BTBD9: variants seen among roughly 807,000 people sequenced by gnomAD.
BTBD9 encodes BTB domain containing 9.
BTBD9 carries 49 observed loss-of-function variants against 64.3 expected under a neutral mutation model. The observed-to-expected ratio is 0.76, with a 90% CI of 0.61 to 0.97. The LOEUF (loss-of-function observed/expected upper bound fraction) is 0.97, where lower values mean the gene tolerates loss of function less well. BTBD9 is among the 50% of genes least tolerant of loss of function. BTBD9 has a pLI of 0.00. For synonymous variants in BTBD9, 260 were observed against 274.7 expected (o/e 0.95, Z 0.53); for missense variants, 598 against 762.1 (o/e 0.78, Z 2.53).
intron 9 of BTBD9, among the ~76,000 whole-genome samples, chr6:38,240,150 C>G (rs755618095): frequency 1.1e-4 from 17 of 152,210 alleles, no homozygotes; most frequent in Non-Finnish European, 2.1e-4. Flanking sequence ...CTTGTATCCA[C>G]CAAGGCCAGG....
intron 6 of BTBD9, among the ~76,000 whole-genome samples, chr6:38,529,177 C>T (rs1285701239): frequency 6.6e-6 from 1 of 152,052 alleles, no homozygotes; most frequent in Non-Finnish European, 1.5e-5. Context: ...TGGGAAAGAC[C>T]CATTGCTAAG....
chr6:38,403,179 G>A (rs1284621249), intron 6 of BTBD9, among the ~76,000 whole-genome samples: 5 of 151,860 alleles, frequency 3.3e-5, no homozygotes, highest in African/African-American at 4.8e-5. Flanking sequence ...AGCAACCAAA[G>A]AAAAAATAAA....
chr6:38,488,555 C>T (rs1274004768), intron 6 of BTBD9, among the ~76,000 whole-genome samples: 5 of 152,126 alleles, frequency 3.3e-5, no homozygotes, highest in African/African-American at 7.2e-5. Flanking sequence ...TCCTAGGCCA[C>T]GTCTATTCTC....
intron 9 of BTBD9, among the ~76,000 whole-genome samples, chr6:38,238,960 A>T (rs1404809977): frequency 6.6e-6 from 1 of 152,104 alleles, no homozygotes. Flanking sequence ...TGGCCTGAAC[A>T]AGTTTTTCAG....
At chr6:38,544,621 C>T (rs961417534) in intron 6 of BTBD9, among the ~76,000 whole-genome samples, 19 of 151,618 alleles carry the variant, frequency 1.3e-4, no homozygotes, top group Non-Finnish European at 2.7e-4. Context: ...GAGGCCAATG[C>T]GGTTGAAGAG....
intron 6 of BTBD9, among the ~76,000 whole-genome samples, chr6:38,369,823 A>G (rs1244067442): frequency 6.6e-6 from 1 of 152,222 alleles, no homozygotes; most frequent in African/African-American, 2.4e-5. Context: ...ATTAGCAATT[A>G]GGATTCTAGC....
At chr6:38,533,032 C>G (rs964852712) in intron 6 of BTBD9, among the ~76,000 whole-genome samples, 35 of 151,664 alleles carry the variant, frequency 2.3e-4, no homozygotes, top group African/African-American at 8.0e-4. Flanking sequence ...GAGGAGTAAG[C>G]AATTACTTAC....
chr6:38,639,027 G>A (rs1024243788), intron 1 of BTBD9, among the ~76,000 whole-genome samples: 4 of 152,146 alleles, frequency 2.6e-5, no homozygotes, highest in African/African-American at 9.7e-5. Flanking sequence ...AGCCTGTACT[G>A]CCTTTAGGAA....
intron 7 of BTBD9, among the ~76,000 whole-genome samples, chr6:38,317,333 G>T (rs759720893): frequency 5.3e-5 from 8 of 152,094 alleles, no homozygotes; most frequent in Non-Finnish European, 1.2e-4. Context: ...ACTCTCTTCT[G>T]GCCTGTAGGT....
intron 4 of BTBD9, 134 bp downstream of exon 4, chr6:38,592,442 A>G: frequency 1.0e-6 from 1 of 964,322 alleles, no homozygotes; most frequent in African/African-American, 1.6e-5. Flanking sequence ...AAGACATTCC[A>G]TAGGCTAGCT....
At chr6:38,335,143 T>C (rs1343730393) in intron 7 of BTBD9, among the ~76,000 whole-genome samples, 2 of 152,224 alleles carry the variant, frequency 1.3e-5, no homozygotes, top group Non-Finnish European at 2.9e-5. Context: ...GCCATGAATG[T>C]AAGTTTCCTG....
At chr6:38,484,441 G>C (rs1322554135) in intron 6 of BTBD9, among the ~76,000 whole-genome samples, 1 of 152,190 alleles carries the variant, frequency 6.6e-6, no homozygotes, top group African/African-American at 2.4e-5. Context: ...TCCTGAAGAA[G>C]AATACTGGAT....
chr6:38,578,308 G>A (rs186820159), intron 5 of BTBD9, among the ~76,000 whole-genome samples: 17 of 152,222 alleles, frequency 1.1e-4, no homozygotes, highest in African/African-American at 2.2e-4. Flanking sequence ...GAGATAATGC[G>A]TGTTTCGTAC....
chr6:38,583,784 G>C (rs1776395566), intron 4 of BTBD9, among the ~76,000 whole-genome samples: 1 of 152,084 alleles, frequency 6.6e-6, no homozygotes, highest in Non-Finnish European at 1.5e-5. Context: ...CATTCCCTGA[G>C]AGTATTTTTC....
intron 6 of BTBD9, among the ~76,000 whole-genome samples, chr6:38,513,244 C>T (rs1389062977): frequency 1.3e-5 from 2 of 152,022 alleles, no homozygotes; most frequent in East Asian, 1.9e-4. Flanking sequence ...TCAGGAGTTC[C>T]AGACCAGCCT....
Position 38,362,096 on chromosome 6 carries a change from T to G in BTBD9, c.1155-17003A>C, listed in dbSNP as rs138500680. Among the ~76,000 whole-genome samples the G allele has an allele frequency of 3.4e-3, 521 of 152,304 alleles. 5 individuals carry two copies. The highest frequency in any genetic ancestry group is 0.012 in the African/African-American group (500 of 41,566). ...AAGTACTTCAGGTGTCTTGGCTTAC[T>G]CACATGGATTCTGTTCCTAGGTATG... is the stretch of plus-strand genomic sequence containing the variant. On this transcript the variant is annotated intron_variant, in intron 6 of 10. Coordinates refer to ENST00000481247, the MANE Select transcript of BTBD9 (RefSeq NM_001099272.2).
At chr6:38,413,804 T>C (rs1249392071) in intron 6 of BTBD9, among the ~76,000 whole-genome samples, 1 of 152,206 alleles carries the variant, frequency 6.6e-6, no homozygotes, top group Non-Finnish European at 1.5e-5. Flanking sequence ...ATTACTTTGA[T>C]GCCTGGTTCA....
rs561106602 is a variant in BTBD9 at position 38,396,462 on chromosome 6, G to A, written c.1155-51369C>T. Among the ~76,000 whole-genome samples the A allele has an allele frequency of 3.3e-5, 5 of 152,290 alleles. No individual in the cohort carries two copies. The South Asian group carries it at 1.0e-3, about 32-fold the overall frequency. On this transcript the variant is annotated intron_variant, in intron 6 of 10. Coordinates refer to ENST00000481247, the MANE Select transcript of BTBD9 (RefSeq NM_001099272.2). Reference sequence around the variant, plus strand: ...TGCCAAGCGGTTGGAGGAAGTCAATGGGAAACAAAAAATTAGGGCGAAGCC... The same window carrying A: ...TGCCAAGCGGTTGGAGGAAGTCAATAGGAAACAAAAAATTAGGGCGAAGCC...
At chr6:38,487,309 G>A (rs1003787350) in intron 6 of BTBD9, among the ~76,000 whole-genome samples, 8 of 152,104 alleles carry the variant, frequency 5.3e-5, no homozygotes, top group African/African-American at 1.9e-4. Context: ...GGCTGGGTGT[G>A]GTAGCTCATG....
Sources: allele counts gnomAD v4.1 joint callset (sites outside exome capture counted in the v4.1 genomes callset), GRCh38; gene constraint gnomAD v4.1.1; transcripts MANE v1.5; gene names NCBI Gene and HGNC (gene_info 2026-07-23, HGNC 2026-07-21).